CEMIP2: variants seen among roughly 807,000 people sequenced by gnomAD.
CEMIP2 encodes cell migration inducing hyaluronidase 2.
In CEMIP2, 79 loss-of-function variants were observed where a neutral mutation model predicts 146.9. The ratio of observed to expected loss-of-function variants is 0.54; its 90% confidence interval spans 0.45 to 0.65. The LOEUF (loss-of-function observed/expected upper bound fraction) is 0.65. Ranked by LOEUF, CEMIP2 falls within the 30% of genes least tolerant of loss-of-function variation. The pLI, the probability that CEMIP2 is intolerant of heterozygous loss-of-function variation, is 0.00. For missense variants in CEMIP2, 1,596 were observed against 1,696.2 expected, an observed-to-expected ratio of 0.94 and a Z score of 1.04; for synonymous variants, 601 against 606.3, an observed-to-expected ratio of 0.99 and a Z score of 0.13.
intron 14 of CEMIP2, 83 bp downstream of exon 14, chr9:71,716,434 C>T (rs918817834): frequency 4.5e-6 from 5 of 1,120,620 alleles, no homozygotes; most frequent in Non-Finnish European, 6.4e-6. Context: ...AATAATAAAA[C>T]ATTCCTGTGT....
intron 6 of CEMIP2, among the ~76,000 whole-genome samples, 166 bp from the exon 7 acceptor site, chr9:71,732,686 ATTTTTTTTTTTTTTTTTTTTT>A (rs59985618): frequency 4.0e-5 from 3 of 75,878 alleles, no homozygotes; most frequent in African/African-American, 1.9e-4. Context: ...GACACGGGGA[ATTTTTTTTTTTTTTTTTTTTT>A]TTTTTTTTTT....
rs1294373442 is a variant in CEMIP2 at position 71,698,106 on chromosome 9, T to A, written c.3476A>T (p.Asp1159Val). 5 of 1,613,940 alleles carry A rather than the reference T, an allele frequency of 3.1e-6. No individual in the cohort carries two copies. The highest frequency in any genetic ancestry group is 4.2e-6 in the Non-Finnish European group (5 of 1,180,014). The change falls in exon 20 of 24, where the codon GAC (aspartate) becomes GTC (valine). Residue 1159 changes from aspartate (D) to valine (V), a missense_variant. Coordinates refer to ENST00000377044, the MANE Select transcript of CEMIP2 (RefSeq NM_013390.3). ...CERVKIQAAT[D>V]SKDISNCMAK... ...CATGCAGTTACTGATGTCCTTTGAG[T>A]CTGTGGCTGCTTGGATCTTGACTCT... is the stretch of plus-strand genomic sequence containing the variant.
At chr9:71,701,197 C>T (rs557828534) in intron 18 of CEMIP2, among the ~76,000 whole-genome samples, 13 of 152,232 alleles carry the variant, frequency 8.5e-5, no homozygotes, top group East Asian at 5.8e-4. Flanking sequence ...CCTCCGCCTC[C>T]CAGGTTCAAG....
intron 6 of CEMIP2, among the ~76,000 whole-genome samples, chr9:71,732,740 T>G (rs1189550397): frequency 1.7e-5 from 2 of 115,298 alleles, no homozygotes; most frequent in African/African-American, 6.3e-5. Context: ...GGAGTCTCAC[T>G]CTGTCCCCCA....
At chr9:71,693,519 A>C (rs946928586) in intron 21 of CEMIP2, among the ~76,000 whole-genome samples, 6 of 152,264 alleles carry the variant, frequency 3.9e-5, no homozygotes, top group Non-Finnish European at 8.8e-5. Flanking sequence ...GGCCGAAGAG[A>C]TGTTAAAACT....
chr9:71,718,044 G>C lies in CEMIP2; in HGVS notation c.2303C>G (p.Pro768Arg), dbSNP rs373855198. 6.8e-6 allele frequency: 11 copies of C among 1,612,298 alleles called. No individual in the cohort carries two copies. Among genetic ancestry groups the C allele is most frequent in the Non-Finnish European group, 9.3e-6 (11 of 1,179,152 alleles). Reference sequence around the variant, plus strand: ...CCTGTCAATTAGAGCAGCAACACGTGGTTTTTCGGGGTTTGCATCCTGATG... The same window carrying C: ...CCTGTCAATTAGAGCAGCAACACGTCGTTTTTCGGGGTTTGCATCCTGATG... ...RPHQDANPEK[P>R]RVAALIDRLI... The change falls in exon 13 of 24, where the codon CCA (proline) becomes CGA (arginine). Residue 768 changes from proline to arginine, a missense_variant. Coordinates refer to ENST00000377044, the MANE Select transcript of CEMIP2 (RefSeq NM_013390.3).
chr9:71,710,292 A>G (rs1016057743), intron 16 of CEMIP2, among the ~76,000 whole-genome samples: 2 of 152,204 alleles, frequency 1.3e-5, no homozygotes, highest in Non-Finnish European at 2.9e-5. Context: ...ACGCTATTGA[A>G]GTCAGGCAGA....
chr9:71,758,933 A>T (rs1300163915), intron 1 of CEMIP2, among the ~76,000 whole-genome samples: 1 of 152,012 alleles, frequency 6.6e-6, no homozygotes, highest in Non-Finnish European at 1.5e-5. Flanking sequence ...TTTTCCTTCA[A>T]CTCTCAAAAA....
intron 4 of CEMIP2, 75 bp from the exon 5 acceptor site, chr9:71,740,307 C>T: frequency 1.3e-6 from 2 of 1,538,760 alleles, no homozygotes; most frequent in Middle Eastern, 1.7e-4. Context: ...GATGTTATTA[C>T]AGAGTGCTGT....
intron 5 of CEMIP2, among the ~76,000 whole-genome samples, chr9:71,738,705 G>A (rs1823830794): frequency 6.6e-6 from 1 of 152,054 alleles, no homozygotes; most frequent in South Asian, 2.1e-4. Context: ...AGGCATGGTG[G>A]TGGGTACCTG....
At chr9:71,725,369 C>T (rs13285357) in intron 11 of CEMIP2, among the ~76,000 whole-genome samples, 69,612 of 151,904 alleles carry the variant, frequency 0.46, 18,864 homozygotes, top group Non-Finnish European at 0.6. Flanking sequence ...CCGTGGATGA[C>T]ACAGCAAGAA....
intron 18 of CEMIP2, among the ~76,000 whole-genome samples, chr9:71,701,320 G>A (rs975127689): frequency 2.6e-5 from 4 of 152,108 alleles, no homozygotes; most frequent in Admixed American, 1.3e-4. Flanking sequence ...TGGCCAGGCC[G>A]GTCTCGAACT....
chr9:71,709,879 C>G (rs1463104943), intron 16 of CEMIP2, among the ~76,000 whole-genome samples: 1 of 152,082 alleles, frequency 6.6e-6, no homozygotes, highest in Non-Finnish European at 1.5e-5. Flanking sequence ...AAGATCTGTG[C>G]ATTTCCCTAC....
intron 22 of CEMIP2, 71 bp downstream of exon 22, chr9:71,690,021 G>C: frequency 6.4e-7 from 1 of 1,561,656 alleles, no homozygotes; most frequent in Non-Finnish European, 8.7e-7. Context: ...GACTTGACCA[G>C]GCATTATCAG....
intron 19 of CEMIP2, 125 bp downstream of exon 19, chr9:71,700,514 TAGA>T (rs924381947): frequency 7.6e-6 from 7 of 920,328 alleles, no homozygotes; most frequent in African/African-American, 2.0e-5. Context: ...AAACCTCTAA[TAGA>T]GAAGATGTGC....
At chr9:71,685,655 T>G (rs1822038723) in intron 23 of CEMIP2, 88 bp downstream of exon 23, 1 of 1,122,762 alleles carries the variant, frequency 8.9e-7, no homozygotes, top group African/African-American at 1.6e-5. Flanking sequence ...AACAAGCTCA[T>G]GAAAATGGTC....
At chr9:71,691,646 T>C (rs1822231063) in intron 21 of CEMIP2, among the ~76,000 whole-genome samples, 1 of 152,150 alleles carries the variant, frequency 6.6e-6, no homozygotes, top group East Asian at 1.9e-4. Flanking sequence ...CCAAAGCCTG[T>C]TGCTTAAAAA....
intron 12 of CEMIP2, 25 bp downstream of exon 12, chr9:71,722,402 T>C (rs1416590565): frequency 6.3e-7 from 1 of 1,584,878 alleles, no homozygotes; most frequent in Non-Finnish European, 8.6e-7. Flanking sequence ...ATAGCTTGAG[T>C]GTGACTTAAA....
chr9:71,698,039 G>C lies in CEMIP2; in HGVS notation c.3543C>G (p.Val1181=), dbSNP rs966314942. The C allele has an allele frequency of 3.1e-6, 5 of 1,614,160 alleles. No homozygotes were observed. The highest frequency in any genetic ancestry group is 3.4e-6 in the Non-Finnish European group (4 of 1,180,042). ...CAGTGAGCATGGCCGGCATCCGCTT[G>C]ACCACTGACGGCTTTCTGTAGTACT... ...YPQYYRKPSV[V]KRMPAMLTGL... is the part of the protein sequence containing the mutation. The change falls in exon 20 of 24, where the codon GTC becomes GTG. Residue 1181 remains valine, a synonymous_variant. Transcript: ENST00000377044.
Sources: allele counts gnomAD v4.1 joint callset (sites outside exome capture counted in the v4.1 genomes callset), GRCh38; gene constraint gnomAD v4.1.1; transcripts MANE v1.5; gene names NCBI Gene and HGNC (gene_info 2026-07-23, HGNC 2026-07-21).